Variants in MAP2K7 observed in about 807,000 individuals in gnomAD.
MAP2K7 encodes the protein mitogen-activated protein kinase kinase 7.
In MAP2K7, 12 loss-of-function variants were observed where a neutral mutation model predicts 47.7. That is an observed-to-expected ratio of 0.25 (90% CI 0.16 to 0.41). The LOEUF is 0.41. Among genes scored for constraint, MAP2K7 ranks in the 10% least tolerant of loss-of-function variants. MAP2K7 has a pLI of 1.00. For missense variants in MAP2K7, 415 were observed against 600.3 expected, an observed-to-expected ratio of 0.69 and a Z score of 3.23; for synonymous variants, 299 against 243.0, an observed-to-expected ratio of 1.23 and a Z score of -2.14.
chr19:7,911,168 G>A lies in MAP2K7; in HGVS notation c.855+9G>A, dbSNP rs538420946. 2.1e-5 allele frequency: 33 copies of A among 1,608,930 alleles called. No homozygotes were observed. The South Asian group carries it at 2.1e-4, about 10-fold the overall frequency. On this transcript the variant is annotated intron_variant, in intron 7 of 10. Coordinates refer to ENST00000397979, the MANE Select transcript of MAP2K7 (RefSeq NM_145185.4). ...GTGCCGCCTACATGGCAGTGAGTGG[G>A]GGCCCCCCAGCGGGGGAGGGGGTGG...
Position 7,905,873 on chromosome 19 carries a change from A to T in MAP2K7, c.124+1805A>T, listed in dbSNP as rs149137946. 4 of 1,611,218 alleles carry T rather than the reference A, an allele frequency of 2.5e-6. No homozygotes were observed. The African/African-American group carries it at 5.3e-5, about 22-fold the overall frequency. On this transcript the variant is annotated intron_variant, in intron 1 of 10. Transcript: ENST00000397979. ...ACGAGCAGGTACCAGCCTTTTTATC[A>T]TCGCTGCTTGGACATCTGCACCATT...
In MAP2K7 at chr19:7,910,417, C is replaced by T. The variant is rs377698263; in HGVS notation, c.448-36C>T. ...CCCGGCTGCGCCCCACACCCCAGGC[C>T]GGTGCTGAGGCTCCCTCCTGTCCCT... On this transcript the variant is annotated intron_variant, in intron 4 of 10. Transcript: ENST00000397979. 3.3e-5 allele frequency: 53 copies of T among 1,602,748 alleles called. No homozygotes were observed. The Middle Eastern group carries it at 4.9e-4, about 15-fold the overall frequency.
intron 1 of MAP2K7, chr19:7,907,052 A>C (rs1225103255): frequency 6.6e-6 from 1 of 152,554 alleles, no homozygotes; most frequent in Non-Finnish European, 1.5e-5. Context: ...TCTCAAAAAA[A>C]AAAAAAACAT....
chr19:7,910,609 C>T (rs747715448), intron 5 of MAP2K7, 37 bp downstream of exon 5: 2 of 1,612,690 alleles, frequency 1.2e-6, no homozygotes, highest in Admixed American at 1.7e-5. Flanking sequence ...GTCTCCTCCT[C>T]CCTCACCCCT....
At chr19:7,908,429 C>T (rs1982600659) in intron 1 of MAP2K7, among the ~76,000 whole-genome samples, 5 of 152,156 alleles carry the variant, frequency 3.3e-5, no homozygotes, top group Admixed American at 2.6e-4. Context: ...TCTTCCTGCC[C>T]CTCCTACTGG....
In MAP2K7 at chr19:7,912,660, T is replaced by C. The variant is rs1043254059; in HGVS notation, c.*229T>C. 3.5e-6 allele frequency: 2 copies of C among 577,960 alleles called. No individual in the cohort carries two copies. The highest frequency in any genetic ancestry group is 3.3e-5 in the Admixed American group (1 of 29,878). 35.8% of individuals were successfully genotyped at this position (577,960 alleles called of 1,614,324 possible). On this transcript the variant is annotated 3_prime_UTR_variant, in exon 11 of 11. Coordinates refer to ENST00000397979, the MANE Select transcript of MAP2K7 (RefSeq NM_145185.4). ...GCCGTGTGCGTCCCCCGACAGACAC[T>C]GTGAACGGAAGACAGCAGGCCGCGA... is the stretch of plus-strand genomic sequence containing the variant.
intron 1 of MAP2K7, chr19:7,905,987 T>TTC (rs368873882): frequency 1.2e-6 from 1 of 816,112 alleles, no homozygotes; most frequent in Non-Finnish European, 2.1e-6. Context: ...CACTCTCACT[T>TTC]TCTCTCTCAC....
chr19:7,911,676 A>G, intron 9 of MAP2K7, 98 bp downstream of exon 9: 1 of 1,250,942 alleles, frequency 8.0e-7, no homozygotes, highest in South Asian at 1.5e-5. Context: ...GCACCCTGGG[A>G]TGGGCGGATG....
At chr19:7,905,361 C>T (rs1258715014) in intron 1 of MAP2K7, among the ~76,000 whole-genome samples, 2 of 152,188 alleles carry the variant, frequency 1.3e-5, no homozygotes, top group Non-Finnish European at 2.9e-5. Context: ...CCTGAGTCAG[C>T]GTGGGTTCCT....
In MAP2K7 at chr19:7,912,587, C is replaced by T. The variant is rs564323513; in HGVS notation, c.*156C>T. 238 of 867,622 alleles carry T rather than the reference C, an allele frequency of 2.7e-4. No homozygotes were observed. In the African/African-American group the frequency reaches 3.6e-3, roughly 13 times the overall value. 53.7% of individuals were successfully genotyped at this position (867,622 alleles called of 1,614,324 possible). A position where few individuals can be genotyped will look rare whatever the true frequency, so the allele number is the denominator to read the frequency against. On this transcript the variant is annotated 3_prime_UTR_variant, in exon 11 of 11. Coordinates refer to ENST00000397979, the MANE Select transcript of MAP2K7 (RefSeq NM_145185.4). ...GTGGGGGGTGCCCACCCACCCCCCC[C>T]GCCCCGGGCCTACCAAGCCCCCGCC... is the stretch of plus-strand genomic sequence containing the variant.
rs1286240417 is a variant in MAP2K7 at position 7,913,762 on chromosome 19, AAAAAC to A, written c.*1334_*1338del. On this transcript the variant is annotated 3_prime_UTR_variant, in exon 11 of 11. Coordinates refer to ENST00000397979, the MANE Select transcript of MAP2K7 (RefSeq NM_145185.4). ...GTGGACAAGAAAAAATAACAAAACA[AAAAAC>A]AAGAAAAAAAAAACACAAAACCCCG... is the stretch of plus-strand genomic sequence containing the variant. 10 of 152,424 alleles carry A rather than the reference AAAAAC, an allele frequency of 6.6e-5. No homozygotes were observed. In the East Asian group the frequency reaches 1.7e-3, roughly 26 times the overall value. 9.4% of individuals were successfully genotyped at this position (152,424 alleles called of 1,614,324 possible). A position where few individuals can be genotyped will look rare whatever the true frequency, so the allele number is the denominator to read the frequency against.
intron 9 of MAP2K7, 133 bp from the exon 10 acceptor site, chr19:7,912,016 G>GCT: frequency 1.3e-6 from 1 of 791,014 alleles, no homozygotes; most frequent in South Asian, 1.6e-5. Context: ...GGGGTCCTGA[G>GCT]GACATCCACA....
At chr19:7,908,647 GAGGGGCACCTTGGT>G (rs1878824301) in intron 1 of MAP2K7, among the ~76,000 whole-genome samples, 2 of 152,062 alleles carry the variant, frequency 1.3e-5, no homozygotes, top group African/African-American at 4.8e-5. Flanking sequence ...GCTCCTGTGG[GAGGGGCACCTTGGT>G]AGGTGTGTGT....
chr19:7,912,083 A>G, intron 9 of MAP2K7, 66 bp from the exon 10 acceptor site: 1 of 1,499,320 alleles, frequency 6.7e-7, no homozygotes, highest in East Asian at 2.3e-5. Flanking sequence ...GGGCCTGAGC[A>G]CAGGGGTGGG....
chr19:7,904,177 C>T, intron 1 of MAP2K7, 109 bp downstream of exon 1: 3 of 896,230 alleles, frequency 3.3e-6, no homozygotes, highest in Non-Finnish European at 4.2e-6. Flanking sequence ...GGCGCTCGCT[C>T]TCCTCTCCGC....
Position 7,911,016 on chromosome 19 carries a change from G to C in MAP2K7, c.712G>C (p.Gly238Arg). 6.2e-7 allele frequency: 1 copy of C among 1,612,530 alleles called. No homozygotes were observed. The part of the protein sequence containing the change: ...KALYYLKEKH[G>R]VIHRDVKPSN... Reference sequence around the variant, plus strand: ...GCTGTACTACCTGAAGGAGAAGCACGGTGTCATCCACCGCGACGTCAAGCC... The same window carrying C: ...GCTGTACTACCTGAAGGAGAAGCACCGTGTCATCCACCGCGACGTCAAGCC... The change falls in exon 7 of 11, where the codon GGT becomes CGT. Residue 238 changes from glycine to arginine, a missense_variant. Coordinates refer to ENST00000397979, the MANE Select transcript of MAP2K7 (RefSeq NM_145185.4).
intron 5 of MAP2K7, 29 bp from the exon 6 acceptor site, chr19:7,910,667 A>G (rs369256334): frequency 2.9e-4 from 466 of 1,606,248 alleles, no homozygotes; most frequent in Non-Finnish European, 3.8e-4. Flanking sequence ...CGGAAGACAC[A>G]GCTCCCCCGG....
intron 1 of MAP2K7, chr19:7,904,558 C>A: frequency 4.8e-6 from 1 of 208,566 alleles, no homozygotes; most frequent in South Asian, 4.1e-5. Flanking sequence ...GGTTACTTGA[C>A]CACATAGAGC....
intron 1 of MAP2K7, among the ~76,000 whole-genome samples, chr19:7,907,665 G>A (rs763413246): frequency 5.3e-5 from 8 of 152,142 alleles, no homozygotes; most frequent in Non-Finnish European, 1.0e-4. Flanking sequence ...CCAGTCTGTG[G>A]TCCGGCAGCC....
Sources: allele counts gnomAD v4.1 joint callset (sites outside exome capture counted in the v4.1 genomes callset), GRCh38; gene constraint gnomAD v4.1.1; transcripts MANE v1.5; gene names NCBI Gene and HGNC (gene_info 2026-07-23, HGNC 2026-07-21).